Variants in ZNF609 observed in about 807,000 individuals in gnomAD.
ZNF609 encodes zinc finger protein 609.
A neutral mutation model predicts 109.5 loss-of-function variants in ZNF609; 11 were observed. That is an observed-to-expected ratio of 0.10 (90% CI 0.06 to 0.17). The LOEUF (loss-of-function observed/expected upper bound fraction) is 0.17. Among genes scored for constraint, ZNF609 ranks in the 10% least tolerant of loss-of-function variants. The pLI, the probability that ZNF609 is intolerant of heterozygous loss-of-function variation, is 1.00. For synonymous variants in ZNF609, 646 were observed against 662.0 expected (o/e 0.98, Z 0.37); for missense variants, 1,559 against 1,772.4 (o/e 0.88, Z 2.16).
intron 2 of ZNF609, among the ~76,000 whole-genome samples, chr15:64,533,116 T>C (rs1246057307): frequency 1.3e-5 from 2 of 151,720 alleles, no homozygotes; most frequent in Non-Finnish European, 2.9e-5. Flanking sequence ...AGTGGCGCAA[T>C]CTTGGCTGAC....
intron 2 of ZNF609, among the ~76,000 whole-genome samples, chr15:64,555,382 G>A (rs1012278416): frequency 1.3e-5 from 2 of 151,758 alleles, no homozygotes; most frequent in Admixed American, 1.3e-4. Context: ...TGAATAAATT[G>A]GGCTGGGTGC....
chr15:64,533,312 A>C (rs1894088950), intron 2 of ZNF609, among the ~76,000 whole-genome samples: 1 of 152,138 alleles, frequency 6.6e-6, no homozygotes, highest in Admixed American at 6.5e-5. Flanking sequence ...CAGCCCTCCC[A>C]AAGTACTGGG....
intron 3 of ZNF609, among the ~76,000 whole-genome samples, chr15:64,646,429 G>A (rs926129050): frequency 2.2e-4 from 33 of 151,748 alleles, no homozygotes; most frequent in Non-Finnish European, 3.8e-4. Context: ...TCAGGAGTTC[G>A]AGACCAGCCT....
chr15:64,622,715 A>G lies in ZNF609; in HGVS notation c.748-112A>G. 5 of 879,450 alleles carry G rather than the reference A, an allele frequency of 5.7e-6. No homozygotes were observed. The Middle Eastern group carries it at 1.1e-3, about 197-fold the overall frequency. 54.5% of individuals were successfully genotyped at this position (879,450 alleles called of 1,614,324 possible). A position where few individuals can be genotyped will look rare whatever the true frequency, so the allele number is the denominator to read the frequency against. ...AAGGAAGAACCAAAGTCTTATTTAT[A>G]GCCGTCTGCACTCTGGCAGGAATAG... On this transcript the variant is annotated intron_variant, in intron 2 of 9. Transcript: ENST00000326648.
chr15:64,516,905 G>T (rs931959649), intron 2 of ZNF609, among the ~76,000 whole-genome samples: 3 of 152,086 alleles, frequency 2.0e-5, no homozygotes, highest in Non-Finnish European at 4.4e-5. Flanking sequence ...CTCTCAGGAT[G>T]ATTCTGATTT....
chr15:64,522,133 C>G (rs1471769406), intron 2 of ZNF609, among the ~76,000 whole-genome samples: 2 of 152,194 alleles, frequency 1.3e-5, no homozygotes, highest in Non-Finnish European at 2.9e-5. Flanking sequence ...ATGCCTTGAC[C>G]TTGTGAGTTT....
intron 1 of ZNF609, among the ~76,000 whole-genome samples, chr15:64,481,534 G>A (rs978705899): frequency 1.3e-5 from 2 of 151,708 alleles, no homozygotes; most frequent in African/African-American, 4.8e-5. Context: ...TGGTCAGGCT[G>A]GTCTCGAACT....
chr15:64,588,088 C>T (rs1227068874), intron 2 of ZNF609, among the ~76,000 whole-genome samples: 2 of 151,534 alleles, frequency 1.3e-5, no homozygotes, highest in South Asian at 2.1e-4. Context: ...TGAGCTGCTG[C>T]GATCAAACCA....
At chr15:64,543,125 G>A (rs1439090594) in intron 2 of ZNF609, among the ~76,000 whole-genome samples, 1 of 151,874 alleles carries the variant, frequency 6.6e-6, no homozygotes, top group Non-Finnish European at 1.5e-5. Flanking sequence ...AAACCTGCAC[G>A]TTCTGCACAT....
Position 64,675,550 on chromosome 15 carries a change from A to T in ZNF609, c.2696A>T (p.Tyr899Phe), listed in dbSNP as rs371258249. ...SPYYQGFESY[Y>F]SPSYAQSSPG... ...TATTACCAAGGCTTTGAGAGTTACT[A>T]TTCTCCAAGTTATGCACAGTCCAGC... The change falls in exon 5 of 10, where the codon TAT becomes TTT. Residue 899 changes from tyrosine to phenylalanine, a missense_variant. This residue lies in a region of ZNF609 where 1,204 missense variants were observed against 1,314.1 expected (regional missense o/e 0.92). Coordinates refer to ENST00000326648, the MANE Select transcript of ZNF609 (RefSeq NM_015042.2). The T allele has an allele frequency of 5.0e-6, 8 of 1,614,050 alleles. No individual in the cohort carries two copies. The South Asian group carries it at 6.6e-5, about 13-fold the overall frequency.
chr15:64,474,916 C>T (rs997677566), intron 1 of ZNF609, among the ~76,000 whole-genome samples: 2 of 151,978 alleles, frequency 1.3e-5, no homozygotes, highest in Non-Finnish European at 2.9e-5. Context: ...CAAACCTGGC[C>T]TTCCTCAACC....
At chr15:64,594,895 G>A (rs1187555297) in intron 2 of ZNF609, among the ~76,000 whole-genome samples, 10 of 150,496 alleles carry the variant, frequency 6.6e-5, no homozygotes, top group African/African-American at 2.2e-4. Context: ...GCGCAGTGGC[G>A]GGTGCCTGTA....
Position 64,674,700 on chromosome 15 carries a change from A to C in ZNF609, c.1846A>C (p.Met616Leu), listed in dbSNP as rs1370741534. 22 of 1,614,038 alleles carry C rather than the reference A, an allele frequency of 1.4e-5. No homozygotes were observed. The highest frequency in any genetic ancestry group is 1.9e-5 in the Non-Finnish European group (22 of 1,180,048). The change falls in exon 5 of 10, where the codon ATG becomes CTG. Residue 616 changes from methionine to leucine, a missense_variant. Coordinates refer to ENST00000326648, the MANE Select transcript of ZNF609 (RefSeq NM_015042.2). ...NDGSDDGPSV[M>L]DETSNDAFDS... ...TGGCTCTGATGATGGACCCTCAGTG[A>C]TGGATGAAACAAGCAATGATGCCTT...
chr15:64,547,857 C>T (rs1894393438), intron 2 of ZNF609, among the ~76,000 whole-genome samples: 1 of 152,030 alleles, frequency 6.6e-6, no homozygotes, highest in African/African-American at 2.4e-5. Flanking sequence ...GTGAGAAGGG[C>T]TCTGGAGAAA....
chr15:64,552,410 T>G (rs1479869589), intron 2 of ZNF609, among the ~76,000 whole-genome samples: 1 of 152,174 alleles, frequency 6.6e-6, no homozygotes. Context: ...CTTGCTCTGT[T>G]GCCCAGACTG....
intron 2 of ZNF609, among the ~76,000 whole-genome samples, chr15:64,558,928 C>A (rs1302555242): frequency 2.6e-5 from 4 of 151,862 alleles, no homozygotes; most frequent in South Asian, 4.2e-4. Context: ...AGTCAGCAGG[C>A]CTTTCATCTG....
chr15:64,545,608 C>T (rs1181852644), intron 2 of ZNF609, among the ~76,000 whole-genome samples: 1 of 152,138 alleles, frequency 6.6e-6, no homozygotes, highest in African/African-American at 2.4e-5. Context: ...TGTTTAACCA[C>T]CCCCAAAACC....
intron 2 of ZNF609, among the ~76,000 whole-genome samples, chr15:64,554,839 GTA>G (rs1422728629): frequency 6.6e-6 from 1 of 151,966 alleles, no homozygotes; most frequent in African/African-American, 2.4e-5. Flanking sequence ...GCTCACACCT[GTA>G]ATCCCAGCAC....
intron 2 of ZNF609, among the ~76,000 whole-genome samples, chr15:64,513,540 AGAAGTTACCTACAGAATT>A (rs1029007331): frequency 1.3e-5 from 2 of 152,220 alleles, no homozygotes; most frequent in African/African-American, 4.8e-5. Flanking sequence ...GCACTCAGTC[AGAAGTTACCTACAGAATT>A]TCTTAGGATG....
Sources: allele counts gnomAD v4.1 joint callset (sites outside exome capture counted in the v4.1 genomes callset), GRCh38; gene constraint gnomAD v4.1.1; regional missense constraint gnomAD v4.1.1; transcripts MANE v1.5; gene names NCBI Gene and HGNC (gene_info 2026-07-23, HGNC 2026-07-21).